RBFOX1: variants seen among roughly 807,000 people sequenced by gnomAD.
The protein encoded by RBFOX1 is RNA binding protein fox-1 homolog 1.
In RBFOX1, 8 loss-of-function variants were observed where a neutral mutation model predicts 57.7. That is an observed-to-expected ratio of 0.14 (90% CI 0.08 to 0.25). The LOEUF is 0.25. Ranked by LOEUF, RBFOX1 falls within the 10% of genes least tolerant of loss-of-function variation. The pLI is 1.00. For synonymous variants in RBFOX1, 326 were observed against 222.4 expected, an observed-to-expected ratio of 1.47 and a Z score of -4.15; for missense variants, 611 against 548.5, an observed-to-expected ratio of 1.11 and a Z score of -1.14.
intron 3 of RBFOX1, among the ~76,000 whole-genome samples, chr16:5,652,381 G>C (rs1311724016): frequency 6.6e-6 from 1 of 152,182 alleles, no homozygotes; most frequent in Non-Finnish European, 1.5e-5. Flanking sequence ...AGATCGGTCT[G>C]ACCCCAAAGC....
intron 1 of RBFOX1, among the ~76,000 whole-genome samples, chr16:6,291,884 G>T (rs1463173532): frequency 1.3e-5 from 2 of 151,940 alleles, no homozygotes; most frequent in Non-Finnish European, 2.9e-5. Flanking sequence ...ACTTGCCTTG[G>T]TCATTTTCCT....
intron 3 of RBFOX1, among the ~76,000 whole-genome samples, chr16:6,670,763 C>T (rs1042854753): frequency 2.0e-5 from 3 of 152,008 alleles, no homozygotes; most frequent in African/African-American, 4.8e-5. Context: ...TCTGGGAGGC[C>T]GAGCTGGGTG....
At position 7,528,957 on chromosome 16, in the gene RBFOX1, G is replaced by C. The variant is rs539676241; in HGVS notation, c.270+10568G>C. Among the ~76,000 whole-genome samples the C allele has an allele frequency of 7.0e-4, 106 of 152,286 alleles. 1 individual carries two copies. The highest frequency in any genetic ancestry group is 2.5e-3 in the African/African-American group (103 of 41,562). Reference sequence around the variant, plus strand: ...GCACATATTTAAAAAGATCACATAAGTTATGGGTTGGAAACGGAAGGCCAG... The same window carrying C: ...GCACATATTTAAAAAGATCACATAACTTATGGGTTGGAAACGGAAGGCCAG... On this transcript the variant is annotated intron_variant, in intron 5 of 15. Coordinates refer to ENST00000550418, the MANE Select transcript of RBFOX1 (RefSeq NM_018723.4).
At chr16:7,029,487 A>T (rs1490712166) in intron 3 of RBFOX1, among the ~76,000 whole-genome samples, 1 of 151,726 alleles carries the variant, frequency 6.6e-6, no homozygotes, top group Non-Finnish European at 1.5e-5. Context: ...TTAGGTGACA[A>T]AGTCAGTGTT....
intron 4 of RBFOX1, among the ~76,000 whole-genome samples, chr16:7,376,709 G>T (rs1017300436): frequency 6.6e-6 from 1 of 152,122 alleles, no homozygotes; most frequent in African/African-American, 2.4e-5. Flanking sequence ...TTTTTCCAAA[G>T]TACAAGTATA....
chr16:6,186,238 A>T (rs1003637664), intron 1 of RBFOX1, among the ~76,000 whole-genome samples: 11 of 152,304 alleles, frequency 7.2e-5, no homozygotes, highest in Non-Finnish European at 4.4e-5. Flanking sequence ...AGTCATTTAT[A>T]GACTGATTCA....
At chr16:6,346,073 C>T (rs1027470964) in intron 2 of RBFOX1, among the ~76,000 whole-genome samples, 1 of 152,124 alleles carries the variant, frequency 6.6e-6, no homozygotes, top group South Asian at 2.1e-4. Context: ...TCTCAGTGAG[C>T]AGAGGGATGA....
At chr16:6,240,947 C>T (rs1029779727) in intron 1 of RBFOX1, among the ~76,000 whole-genome samples, 1 of 152,190 alleles carries the variant, frequency 6.6e-6, no homozygotes, top group Non-Finnish European at 1.5e-5. Flanking sequence ...TGTGTTTCTA[C>T]CGACTCACCC....
intron 4 of RBFOX1, among the ~76,000 whole-genome samples, chr16:7,080,741 A>G (rs1488955822): frequency 6.6e-6 from 1 of 151,912 alleles, no homozygotes; most frequent in Non-Finnish European, 1.5e-5. Context: ...GAATAGTTCA[A>G]CCCTCTCCAT....
chr16:7,213,213 G>C (rs1487738621), intron 4 of RBFOX1, among the ~76,000 whole-genome samples: 1 of 152,048 alleles, frequency 6.6e-6, no homozygotes, highest in Non-Finnish European at 1.5e-5. Context: ...ACAATATCTG[G>C]GGCAGAAAAA....
chr16:7,140,157 C>CT lies in RBFOX1; in HGVS notation c.27+88059_27+88060insT, dbSNP rs2073295791. Among the ~76,000 whole-genome samples the CT allele has an allele frequency of 6.4e-3, 451 of 70,878 alleles. 14 individuals carry two copies. Among genetic ancestry groups the CT allele is most frequent in the African/African-American group, 0.019 (313 of 16,898 alleles). The allele number at this position is 70,878 out of a possible 152,430, so 46.5% of individuals were successfully genotyped here. ...CATTCTCTTATTCTCTCCTTCTCTC[C>CT]CTCTCTCTCTCTCTCTCTCTCTCTC... On this transcript the variant is annotated intron_variant, in intron 4 of 15. Coordinates refer to ENST00000550418, the MANE Select transcript of RBFOX1 (RefSeq NM_018723.4).
chr16:5,969,393 C>A (rs560646119), intron 4 of RBFOX1, among the ~76,000 whole-genome samples: 1 of 145,418 alleles, frequency 6.9e-6, no homozygotes, highest in Non-Finnish European at 1.5e-5. Context: ...CTCACTGCAA[C>A]CTCTGCCTTC....
At chr16:6,434,023 T>C (rs2094169672) in intron 2 of RBFOX1, among the ~76,000 whole-genome samples, 2 of 152,006 alleles carry the variant, frequency 1.3e-5, no homozygotes, top group African/African-American at 2.4e-5. Flanking sequence ...AATTTATGTA[T>C]TTTTCATAGA....
rs182469300 is a variant in RBFOX1, at chr16:5,302,737, G to T, written c.219+62632G>T. Among the ~76,000 whole-genome samples the T allele has an allele frequency of 2.0e-5, 3 of 152,242 alleles. No homozygotes were observed. In the East Asian group the frequency reaches 5.8e-4, roughly 29 times the overall value. On this transcript the variant is annotated intron_variant, in intron 1 of 2. Coordinates refer to the RBFOX1 transcript ENST00000585867. ...GTTTATTTTGTCTGATATTATTCAT[G>T]CCAAACCAGCTCTCTAACACTTAGT... is the stretch of plus-strand genomic sequence containing the variant.
chr16:5,686,371 A>G (rs778827262), intron 3 of RBFOX1, among the ~76,000 whole-genome samples: 3 of 152,174 alleles, frequency 2.0e-5, no homozygotes, highest in Admixed American at 6.5e-5. Context: ...TGGTTTGAAT[A>G]TTAGTATTTT....
At chr16:7,582,255 C>A (rs1483543162) in intron 6 of RBFOX1, among the ~76,000 whole-genome samples, 1 of 152,162 alleles carries the variant, frequency 6.6e-6, no homozygotes, top group African/African-American at 2.4e-5. Context: ...CACTTAATAC[C>A]TGTCAATTAA....
At chr16:7,623,664 G>A (rs776105139) in intron 10 of RBFOX1, among the ~76,000 whole-genome samples, 4 of 152,198 alleles carry the variant, frequency 2.6e-5, no homozygotes, top group Non-Finnish European at 5.9e-5. Flanking sequence ...GCCCAGTAGG[G>A]TCCGTGGCCC....
At chr16:6,833,736 A>G (rs567643190) in intron 3 of RBFOX1, among the ~76,000 whole-genome samples, 11 of 152,308 alleles carry the variant, frequency 7.2e-5, no homozygotes, top group African/African-American at 2.6e-4. Flanking sequence ...GGAATATTAA[A>G]ACAAAAAGAA....
At chr16:7,692,366 T>C (rs1351506638) in intron 14 of RBFOX1, among the ~76,000 whole-genome samples, 4 of 152,162 alleles carry the variant, frequency 2.6e-5, no homozygotes, top group South Asian at 2.1e-4. Context: ...AGTAAAACTT[T>C]CTTAAGATGT....
Sources: gnomAD v4.1 joint callset for allele counts (sites outside exome capture counted in the v4.1 genomes callset) on GRCh38, gnomAD v4.1.1 for gene constraint, MANE v1.5 for transcripts, NCBI Gene and HGNC (gene_info 2026-07-23, HGNC 2026-07-21) for gene names.